Variants in LPP observed in about 807,000 individuals in gnomAD.
LPP encodes the protein LIM domain containing preferred translocation partner in lipoma, also known as lipoma-preferred partner.
A neutral mutation model predicts 60.4 loss-of-function variants in LPP; 38 were observed. The ratio of observed to expected loss-of-function variants is 0.63; its 90% CI spans 0.49 to 0.83. LPP has a LOEUF of 0.83. Among genes scored for constraint, LPP ranks in the 40% least tolerant of loss-of-function variants. LPP has a pLI of 0.00. For missense variants in LPP, 902 were observed against 783.6 expected, an observed-to-expected ratio of 1.15 and a Z score of -1.80; for synonymous variants, 328 against 290.8, an observed-to-expected ratio of 1.13 and a Z score of -1.30.
chr3:188,323,626 A>G (rs777522249), intron 2 of LPP, among the ~76,000 whole-genome samples: 3 of 152,234 alleles, frequency 2.0e-5, no homozygotes, highest in Non-Finnish European at 4.4e-5. Context: ...CATTCTCCTT[A>G]TGTGGAAATA....
At chr3:188,164,663 G>T (rs1719397824) in intron 1 of LPP, among the ~76,000 whole-genome samples, 1 of 152,166 alleles carries the variant, frequency 6.6e-6, no homozygotes, top group Non-Finnish European at 1.5e-5. Flanking sequence ...AGAATGAGGT[G>T]AAAGATAGGT....
chr3:188,800,542 G>GC (rs1488450753), intron 9 of LPP, among the ~76,000 whole-genome samples: 29 of 152,092 alleles, frequency 1.9e-4, no homozygotes, highest in Non-Finnish European at 3.5e-4. Context: ...ACCACACCCG[G>GC]CCAAAACTTT....
intron 4 of LPP, among the ~76,000 whole-genome samples, chr3:188,414,047 G>A (rs1785538870): frequency 6.6e-6 from 1 of 152,044 alleles, no homozygotes; most frequent in Non-Finnish European, 1.5e-5. Context: ...TACTCTTCTA[G>A]GGGCTGAAGT....
At chr3:188,636,781 C>A (rs917336388) in intron 7 of LPP, among the ~76,000 whole-genome samples, 1 of 151,834 alleles carries the variant, frequency 6.6e-6, no homozygotes, top group East Asian at 1.9e-4. Context: ...CTGGGAGGCA[C>A]CCCCCTGCAG....
chr3:188,203,173 T>C (rs978998667), intron 1 of LPP, among the ~76,000 whole-genome samples: 1 of 134,320 alleles, frequency 7.4e-6, no homozygotes, highest in Non-Finnish European at 1.5e-5. Context: ...TTAAATTATA[T>C]ATAATTTTAT....
intron 9 of LPP, among the ~76,000 whole-genome samples, chr3:188,782,870 A>G (rs3846183): frequency 0.7 from 106,532 of 151,850 alleles, 37,701 homozygotes; most frequent in East Asian, 0.91. Context: ...GACATTCTCT[A>G]CTGTGACTTC....
At chr3:188,583,289 G>A (rs1041661477) in intron 6 of LPP, among the ~76,000 whole-genome samples, 4 of 151,820 alleles carry the variant, frequency 2.6e-5, no homozygotes, top group Non-Finnish European at 2.9e-5. Flanking sequence ...TTCCCACCCC[G>A]CTTATGCACC....
At chr3:188,177,275 C>T (rs899416531) in intron 1 of LPP, among the ~76,000 whole-genome samples, 2 of 152,172 alleles carry the variant, frequency 1.3e-5, no homozygotes, top group African/African-American at 4.8e-5. Flanking sequence ...TGCCAGTAGA[C>T]AGACCCAGGC....
intron 3 of LPP, among the ~76,000 whole-genome samples, chr3:188,383,157 C>T (rs1044639860): frequency 6.6e-6 from 1 of 152,114 alleles, no homozygotes; most frequent in Admixed American, 6.5e-5. Flanking sequence ...AAATTACTGA[C>T]GTTGATCACA....
At chr3:188,506,987 C>T (rs1258357222) in intron 5 of LPP, among the ~76,000 whole-genome samples, 11 of 151,974 alleles carry the variant, frequency 7.2e-5, no homozygotes, top group Non-Finnish European at 1.0e-4. Flanking sequence ...TTAGTAGAGA[C>T]GGGGTTTCAC....
chr3:188,641,564 T>G (rs1370912843), intron 7 of LPP, among the ~76,000 whole-genome samples: 1 of 152,214 alleles, frequency 6.6e-6, no homozygotes, highest in Non-Finnish European at 1.5e-5. Flanking sequence ...TTACAACTAT[T>G]GAATAGAAGT....
In LPP at chr3:188,757,889, G is replaced by GTTTTTTTTTTTTTTTTTTTTTTT. The variant is rs750488243; in HGVS notation, c.1241-2204_1241-2203insTTTTTTTTTTTTTTTTTTTTTTT. On this transcript the variant is annotated intron_variant, in intron 8 of 11. Transcript: ENST00000617246. ...TTTTTTTTGTGGTTTTGTTTTTTTG[G>GTTTTTTTTTTTTTTTTTTTTTTT]TTTTTTTTTTTTTTTTTTTTCAGAA... 5.5e-4 allele frequency among the ~76,000 whole-genome samples: 43 copies of GTTTTTTTTTTTTTTTTTTTTTTT among 78,722 alleles called. 4 individuals carry two copies. The highest frequency in any genetic ancestry group is 6.2e-4 in the African/African-American group (12 of 19,434). The allele number at this position is 78,722 out of a possible 152,430, so 51.6% of individuals were successfully genotyped here.
In LPP at chr3:188,872,677, C is replaced by T. The variant is rs761277883; in HGVS notation, c.1624C>T (p.Pro542Ser). The T allele has an allele frequency of 1.2e-6, 2 of 1,614,014 alleles. No homozygotes were observed. Among genetic ancestry groups the T allele is most frequent in the East Asian group, 2.2e-5 (1 of 44,880 alleles). The change falls in exon 11 of 12, where the codon CCT becomes TCT. Residue 542 changes from proline (P) to serine (S), a missense_variant. By Grantham distance (74) the Pro-to-Ser change is moderately conservative. Transcript: ENST00000617246. Reference protein sequence around the residue: ...FAPRCSVCKEPIMPAPGQEET... With the variant: ...FAPRCSVCKESIMPAPGQEET... ...CCCGCGATGTTCTGTGTGCAAGGAGCCTATTATGCCAGCCCCGGGCCAGGA... is the reference window on the plus strand; with the variant it reads ...CCCGCGATGTTCTGTGTGCAAGGAGTCTATTATGCCAGCCCCGGGCCAGGA...
intron 1 of LPP, among the ~76,000 whole-genome samples, chr3:188,201,123 A>C (rs1730971350): frequency 6.6e-6 from 1 of 152,162 alleles, no homozygotes; most frequent in South Asian, 2.1e-4. Context: ...TTTCTTCACA[A>C]ACATTTATTA....
chr3:188,392,597 TCA>T (rs1034527494), intron 3 of LPP, among the ~76,000 whole-genome samples: 2 of 152,166 alleles, frequency 1.3e-5, no homozygotes, highest in Non-Finnish European at 2.9e-5. Context: ...TTTCATGCAA[TCA>T]CAGTACAACT....
intron 3 of LPP, among the ~76,000 whole-genome samples, chr3:188,402,542 A>G (rs1782499731): frequency 6.6e-6 from 1 of 152,246 alleles, no homozygotes; most frequent in African/African-American, 2.4e-5. Flanking sequence ...ATATCTGGAA[A>G]TCTATCAGCA....
chr3:188,858,439 A>T (rs1434588441), intron 9 of LPP, among the ~76,000 whole-genome samples: 2 of 152,132 alleles, frequency 1.3e-5, no homozygotes, highest in Non-Finnish European at 2.9e-5. Flanking sequence ...GTAAAATATT[A>T]CCTCTCCGGG....
chr3:188,379,423 G>C (rs1475465649), intron 3 of LPP, among the ~76,000 whole-genome samples: 1 of 152,104 alleles, frequency 6.6e-6, no homozygotes, highest in African/African-American at 2.4e-5. Flanking sequence ...TTAACTCAAA[G>C]AGTAGAATTC....
intron 6 of LPP, among the ~76,000 whole-genome samples, chr3:188,588,709 A>G (rs1838031325): frequency 6.6e-6 from 1 of 152,220 alleles, no homozygotes; most frequent in Non-Finnish European, 1.5e-5. Flanking sequence ...ATTCTGCCAC[A>G]TTTGTTTGTT....
Sources: gnomAD v4.1 joint callset for allele counts (sites outside exome capture counted in the v4.1 genomes callset) on GRCh38, gnomAD v4.1.1 for gene constraint, MANE v1.5 for transcripts, NCBI Gene and HGNC (gene_info 2026-07-23, HGNC 2026-07-21) for gene names.